The following SPTBN1 variants were observed in gnomAD, a reference collection of about 807,000 sequenced individuals.
The protein encoded by SPTBN1 is spectrin beta chain, non-erythrocytic 1.
A neutral mutation model predicts 266.4 loss-of-function variants in SPTBN1; 32 were observed. The observed-to-expected ratio is 0.12, with a 90% confidence interval of 0.09 to 0.16. The LOEUF (loss-of-function observed/expected upper bound fraction) is 0.16. SPTBN1 is among the 10% of genes least tolerant of loss of function. SPTBN1 has a pLI of 1.00. For missense variants in SPTBN1, 2,296 were observed against 3,067.1 expected (o/e 0.75, Z 5.94); for synonymous variants, 1,336 against 1,162.2 (o/e 1.15, Z -3.04).
At chr2:54,472,220 G>A (rs943560679) in intron 1 of SPTBN1, among the ~76,000 whole-genome samples, 18 of 151,626 alleles carry the variant, frequency 1.2e-4, no homozygotes, top group Non-Finnish European at 2.1e-4. Flanking sequence ...GTAGAGACAG[G>A]GTTTCACCAT....
At chr2:54,503,726 C>T (rs1669398681) in intron 1 of SPTBN1, among the ~76,000 whole-genome samples, 3 of 152,200 alleles carry the variant, frequency 2.0e-5, no homozygotes, top group Admixed American at 2.0e-4. Flanking sequence ...AACCAACCCA[C>T]TTCTGGCTGA....
intron 16 of SPTBN1, 119 bp downstream of exon 16, chr2:54,631,730 T>G: frequency 7.6e-7 from 1 of 1,315,198 alleles, no homozygotes; most frequent in African/African-American, 1.5e-5. Flanking sequence ...ATGGATAATT[T>G]AGAGACTGAT....
intron 18 of SPTBN1, among the ~76,000 whole-genome samples, chr2:54,639,439 G>A (rs1184536645): frequency 6.6e-6 from 1 of 152,216 alleles, no homozygotes; most frequent in Non-Finnish European, 1.5e-5. Context: ...CTTTTAAAGG[G>A]CAAGTTAGTA....
intron 26 of SPTBN1, among the ~76,000 whole-genome samples, chr2:54,652,106 C>G (rs1680338258): frequency 6.6e-6 from 1 of 152,122 alleles, no homozygotes; most frequent in Admixed American, 6.5e-5. Flanking sequence ...CTTCTTTGAT[C>G]ACGCAGCTTT....
At chr2:54,624,672 G>A (rs992258933) in intron 10 of SPTBN1, 132 bp from the exon 11 acceptor site, 19 of 1,343,376 alleles carry the variant, frequency 1.4e-5, no homozygotes, top group African/African-American at 4.4e-5. Flanking sequence ...GTCAGTGAGA[G>A]TGGGAATGGG....
intron 1 of SPTBN1, among the ~76,000 whole-genome samples, chr2:54,496,756 G>A (rs1668991215): frequency 6.6e-6 from 1 of 152,204 alleles, no homozygotes; most frequent in African/African-American, 2.4e-5. Context: ...CTTAATACTT[G>A]ACGCTGATTA....
Position 54,533,379 on chromosome 2 carries a change from TG to T in SPTBN1, c.148+6814del. Among the ~76,000 whole-genome samples the T allele has an allele frequency of 6.6e-6, 1 of 151,692 alleles. No homozygotes were observed. Among genetic ancestry groups the T allele is most frequent in the East Asian group, 1.9e-4 (1 of 5,158 alleles). On this transcript the variant is annotated intron_variant, in intron 2 of 35. Transcript: ENST00000356805. This position sits in a 1 kb window ranked among gnomAD's most constrained non-coding sequence, Gnocchi z 4.2. ...GTGTGTGTGTGTGTGTGTGTGTGTG[TG>T]TGTGTGTGTGTGTGTCTAAACCATT... is the stretch of plus-strand genomic sequence containing the variant.
chr2:54,665,390 G>T (rs73937514), intron 33 of SPTBN1, among the ~76,000 whole-genome samples: 4,703 of 152,220 alleles, frequency 0.031, 254 homozygotes, highest in African/African-American at 0.1. Flanking sequence ...AGTATATTAG[G>T]ACAGTTTGCC....
intron 1 of SPTBN1, among the ~76,000 whole-genome samples, chr2:54,457,942 T>A (rs757779167): frequency 2.6e-5 from 4 of 152,210 alleles, no homozygotes; most frequent in Non-Finnish European, 5.9e-5. Flanking sequence ...CGGAATCTGA[T>A]CTGCGACCAG....
At chr2:54,576,951 T>C (rs1302321326) in intron 2 of SPTBN1, among the ~76,000 whole-genome samples, 1 of 152,162 alleles carries the variant, frequency 6.6e-6, no homozygotes, top group African/African-American at 2.4e-5. Context: ...CTGGATTAGA[T>C]TATGAGATGA....
rs777204951 is a variant in SPTBN1 at position 54,623,613 on chromosome 2, C to G, written c.1182+17C>G. On this transcript the variant is annotated intron_variant, in intron 10 of 35. Transcript: ENST00000356805. ...ATCAACAAGGTAAAGTGGATCTGGA[C>G]TCTGCATGGGCCCTGACCTCCTGGA... 5 of 1,600,590 alleles carry G rather than the reference C, an allele frequency of 3.1e-6. No individual in the cohort carries two copies. The South Asian group carries it at 4.4e-5, about 14-fold the overall frequency.
intron 1 of SPTBN1, among the ~76,000 whole-genome samples, chr2:54,508,793 T>C (rs1669710698): frequency 6.6e-6 from 1 of 152,180 alleles, no homozygotes. Flanking sequence ...TCCAGAGCAA[T>C]GGGATCTGAA....
rs1342475289 is a variant in SPTBN1 at position 54,644,174 on chromosome 2, T to A, written c.4006-149T>A. 5 of 997,398 alleles carry A rather than the reference T, an allele frequency of 5.0e-6. No homozygotes were observed. In the African/African-American group the frequency reaches 8.2e-5, roughly 16 times the overall value. The allele number at this position is 997,398 out of a possible 1,614,324, so 61.8% of individuals were successfully genotyped here. A position where few individuals can be genotyped will look rare whatever the true frequency, so the allele number is the denominator to read the frequency against. ...ACACAACCTAGGGGTCGTTGTTGAT[T>A]TTATTGAGCAGTAACTTCATGTGGA... On this transcript the variant is annotated intron_variant, in intron 19 of 35. Transcript: ENST00000356805.
rs1678618758 is a variant in SPTBN1, at chr2:54,629,882, G to A, written c.2670-10G>A. ...CAGGAGGTGACCACCCTGTCAAATT[G>A]CCATTTCAGATTTGAGAGCCTAGAA... On this transcript the variant is annotated splice_polypyrimidine_tract_variant and intron_variant, in intron 14 of 35. Transcript: ENST00000356805. The A allele has an allele frequency of 1.2e-6, 2 of 1,613,926 alleles. No homozygotes were observed. Among genetic ancestry groups the A allele is most frequent in the Non-Finnish European group, 1.7e-6 (2 of 1,180,000 alleles).
chr2:54,647,647 C>G (rs544182963), intron 24 of SPTBN1, among the ~76,000 whole-genome samples: 1 of 152,134 alleles, frequency 6.6e-6, no homozygotes, highest in Non-Finnish European at 1.5e-5. Flanking sequence ...AAAGACCAAT[C>G]TCGGCAATGT....
At chr2:54,472,270 G>A (rs1573218318) in intron 1 of SPTBN1, among the ~76,000 whole-genome samples, 1 of 151,890 alleles carries the variant, frequency 6.6e-6, no homozygotes, top group Non-Finnish European at 1.5e-5. Context: ...CTCATAATCC[G>A]CCCGCCTGGA....
At chr2:54,504,439 C>A (rs1219238898) in intron 1 of SPTBN1, among the ~76,000 whole-genome samples, 1 of 152,140 alleles carries the variant, frequency 6.6e-6, no homozygotes, top group Non-Finnish European at 1.5e-5. Flanking sequence ...GCTTCTGCAT[C>A]TGTGAATTCA....
chr2:54,625,352 C>T (rs1301485023), intron 11 of SPTBN1, among the ~76,000 whole-genome samples: 4 of 152,114 alleles, frequency 2.6e-5, no homozygotes, highest in Admixed American at 6.6e-5. Context: ...TAAGCTATCA[C>T]CTGCTCTAGC....
At chr2:54,461,050 T>C (rs1693340849) in intron 1 of SPTBN1, among the ~76,000 whole-genome samples, 1 of 152,162 alleles carries the variant, frequency 6.6e-6, no homozygotes, top group Admixed American at 6.5e-5. Context: ...AGCCACCGGC[T>C]AGTTCAGGAA....
Sources: allele counts gnomAD v4.1 joint callset (sites outside exome capture counted in the v4.1 genomes callset), GRCh38; gene constraint gnomAD v4.1.1; non-coding constraint Gnocchi (gnomAD v3.1); transcripts MANE v1.5; gene names NCBI Gene and HGNC (gene_info 2026-07-23, HGNC 2026-07-21).